TANC1: variants seen among roughly 807,000 people sequenced by gnomAD.
The protein encoded by TANC1 is tetratricopeptide repeat, ankyrin repeat and coiled-coil containing 1, also known as protein TANC1.
Under a neutral mutation model 149.7 loss-of-function variants are expected in TANC1, and 77 were observed. The ratio of observed to expected loss-of-function variants is 0.51; its 90% CI spans 0.43 to 0.62. TANC1 has a LOEUF of 0.62. Among genes scored for constraint, TANC1 ranks in the 20% least tolerant of loss-of-function variants. TANC1 has a pLI of 0.00. For synonymous variants in TANC1, 854 were observed against 925.0 expected, an observed-to-expected ratio of 0.92 and a Z score of 1.39; for missense variants, 1,985 against 2,321.8, an observed-to-expected ratio of 0.85 and a Z score of 2.98.
intron 19 of TANC1, among the ~76,000 whole-genome samples, chr2:159,205,244 C>A (rs1313141463): frequency 2.0e-5 from 3 of 152,232 alleles, no homozygotes; most frequent in African/African-American, 7.2e-5. Context: ...GGGCTTCCCA[C>A]ATCCAAGGCT....
At chr2:159,093,850 G>A (rs949231843) in intron 3 of TANC1, among the ~76,000 whole-genome samples, 2 of 152,032 alleles carry the variant, frequency 1.3e-5, no homozygotes, top group African/African-American at 4.8e-5. Flanking sequence ...GCATGCTTTG[G>A]AAACTCATCT....
At chr2:159,203,603 TCACC>T in intron 19 of TANC1, among the ~76,000 whole-genome samples, 1 of 152,194 alleles carries the variant, frequency 6.6e-6, no homozygotes. Flanking sequence ...TCTCACTCTG[TCACC>T]CATGTTGGAG....
chr2:159,134,486 A>T (rs1199736883), intron 4 of TANC1, among the ~76,000 whole-genome samples: 2 of 149,496 alleles, frequency 1.3e-5, no homozygotes, highest in African/African-American at 5.0e-5. Context: ...GTTTATTTTT[A>T]TTTATTTATT....
At chr2:159,184,017 A>C (rs2056747208) in intron 14 of TANC1, among the ~76,000 whole-genome samples, 2 of 152,174 alleles carry the variant, frequency 1.3e-5, no homozygotes, top group South Asian at 4.2e-4. Flanking sequence ...GGAGGACTCA[A>C]GCTCCGCAGG....
chr2:159,179,303 T>C, intron 14 of TANC1, 140 bp downstream of exon 14: 1 of 1,246,086 alleles, frequency 8.0e-7, no homozygotes, highest in Non-Finnish European at 1.1e-6. Context: ...TTTTATTATT[T>C]TTCTTCCTTT....
At chr2:159,192,388 GTCCT>G (rs1362087939) in intron 16 of TANC1, among the ~76,000 whole-genome samples, 1 of 152,084 alleles carries the variant, frequency 6.6e-6, no homozygotes, top group Non-Finnish European at 1.5e-5. Flanking sequence ...GGCTCAAGCA[GTCCT>G]CCCTCCTCAG....
intron 4 of TANC1, among the ~76,000 whole-genome samples, chr2:159,116,454 C>CAACAA (rs1553559680): frequency 1.0e-4 from 14 of 140,480 alleles, no homozygotes; most frequent in Admixed American, 2.8e-4. Flanking sequence ...ACAACAACAA[C>CAACAA]AAAAAAAAAA....
chr2:159,226,646 A>AAAAT (rs2060042076), intron 24 of TANC1: 1 of 152,246 alleles, frequency 6.6e-6, no homozygotes, highest in Non-Finnish European at 1.5e-5. Context: ...GGAAATGGAA[A>AAAAT]TATGATTTAC....
At chr2:159,161,234 A>AG (rs2054016587) in intron 7 of TANC1, among the ~76,000 whole-genome samples, 1 of 152,236 alleles carries the variant, frequency 6.6e-6, no homozygotes, top group African/African-American at 2.4e-5. Flanking sequence ...CTTGGCACTT[A>AG]GGGAGAGCAC....
At chr2:159,162,026 G>C (rs529563137) in intron 7 of TANC1, among the ~76,000 whole-genome samples, 1 of 152,224 alleles carries the variant, frequency 6.6e-6, no homozygotes, top group Non-Finnish European at 1.5e-5. Flanking sequence ...ACCAGAGAGG[G>C]TGATAAGTCC....
intron 4 of TANC1, among the ~76,000 whole-genome samples, chr2:159,128,528 A>G (rs1195176995): frequency 6.6e-6 from 1 of 151,868 alleles, no homozygotes; most frequent in Non-Finnish European, 1.5e-5. Context: ...TGGTCAGTTC[A>G]TTTTCTGTCT....
chr2:159,188,427 G>A (rs768784490), intron 16 of TANC1, among the ~76,000 whole-genome samples: 1 of 152,242 alleles, frequency 6.6e-6, no homozygotes, highest in African/African-American at 2.4e-5. Flanking sequence ...GCCAGGCCAG[G>A]ATGGGGCCAG....
At chr2:158,998,162 G>A (rs575205666) in intron 1 of TANC1, among the ~76,000 whole-genome samples, 4 of 151,950 alleles carry the variant, frequency 2.6e-5, no homozygotes, top group African/African-American at 9.7e-5. Context: ...TACTTGGGAG[G>A]CTGAGGTGGG....
In TANC1 at chr2:159,230,022, G is replaced by C. The variant is rs1258764656; in HGVS notation, c.4596G>C (p.Gln1532His). 1.2e-5 allele frequency: 19 copies of C among 1,613,956 alleles called. No homozygotes were observed. The highest frequency in any genetic ancestry group is 1.4e-5 in the Non-Finnish European group (17 of 1,180,054). Residue 1532 changes from glutamine (Q) to histidine (H), a missense_variant, in exon 27 of 27, where the codon CAG (glutamine) becomes CAC (histidine). Around this residue, in one of 3 missense-constraint regions of TANC1, gnomAD observed 920 missense variants for 994.7 expected, o/e 0.92. Transcript: ENST00000263635. This position sits in a 1 kb window ranked among gnomAD's most constrained non-coding sequence, Gnocchi z 4.4. ...GLLLQPSKQA[Q>H]IVKTSQHLGS... ...TCCTGCAGCCCTCCAAGCAGGCCCA[G>C]ATCGTGAAAACCAGCCAGCACCTGG...
chr2:159,226,885 AC>A (rs749680217), intron 24 of TANC1: 1 of 152,192 alleles, frequency 6.6e-6, no homozygotes, highest in Non-Finnish European at 1.5e-5. Flanking sequence ...GGCTGGCCAG[AC>A]TTAGTATCCA....
chr2:159,094,954 T>G lies in TANC1; in HGVS notation c.62-2683T>G, dbSNP rs370397559. 4.0e-3 allele frequency among the ~76,000 whole-genome samples: 590 copies of G among 146,490 alleles called. 4 individuals carry two copies. Among genetic ancestry groups the G allele is most frequent in the African/African-American group, 0.015 (564 of 38,870 alleles). On this transcript the variant is annotated intron_variant, in intron 3 of 26. Coordinates refer to ENST00000263635, the MANE Select transcript of TANC1 (RefSeq NM_033394.3). ...GTGTTTTTTTATTGTTTGTTTTTTG[T>G]TTTTTTTTTGAGATGGAGTCTCGCA...
At chr2:159,100,876 T>TAA (rs138528114) in intron 4 of TANC1, among the ~76,000 whole-genome samples, 9 of 151,382 alleles carry the variant, frequency 5.9e-5, no homozygotes, top group Non-Finnish European at 1.0e-4. Context: ...TTTTAATAAT[T>TAA]TAAAAAAAAA....
At chr2:159,210,461 T>G (rs2058908442) in intron 19 of TANC1, among the ~76,000 whole-genome samples, 1 of 152,218 alleles carries the variant, frequency 6.6e-6, no homozygotes, top group Admixed American at 6.5e-5. Context: ...CCCAGAGAAC[T>G]TTAATATATA....
chr2:158,973,376 A>G (rs558690877), intron 1 of TANC1, among the ~76,000 whole-genome samples: 1 of 152,242 alleles, frequency 6.6e-6, no homozygotes, highest in African/African-American at 2.4e-5. Context: ...GAGAGTAGGG[A>G]AGTCTCTCAG....
Sources: allele counts gnomAD v4.1 joint callset (sites outside exome capture counted in the v4.1 genomes callset), GRCh38; gene constraint gnomAD v4.1.1; regional missense constraint gnomAD v4.1.1; non-coding constraint Gnocchi (gnomAD v3.1); transcripts MANE v1.5; gene names NCBI Gene and HGNC (gene_info 2026-07-23, HGNC 2026-07-21).